Variants in NRXN1 observed in about 807,000 individuals in gnomAD.
The protein encoded by NRXN1 is neurexin 1.
NRXN1 carries 39 observed loss-of-function variants against 150.9 expected under a neutral mutation model. That is an observed-to-expected ratio of 0.26 (90% CI 0.20 to 0.34). The LOEUF (loss-of-function observed/expected upper bound fraction) is 0.34, where lower values mean the gene tolerates loss of function less well. Ranked by LOEUF, NRXN1 falls within the 10% of genes least tolerant of loss-of-function variation. The pLI, the probability that NRXN1 is intolerant of heterozygous loss-of-function variation, is 1.00. For synonymous variants in NRXN1, 924 were observed against 757.0 expected, an observed-to-expected ratio of 1.22 and a Z score of -3.62; for missense variants, 1,815 against 1,949.9, an observed-to-expected ratio of 0.93 and a Z score of 1.30.
At chr2:50,278,457 T>C (rs894638498) in intron 17 of NRXN1, among the ~76,000 whole-genome samples, 2 of 149,974 alleles carry the variant, frequency 1.3e-5, no homozygotes, top group Non-Finnish European at 3.0e-5. Flanking sequence ...TGGCCATTGA[T>C]CATAGATAGT....
intron 18 of NRXN1, among the ~76,000 whole-genome samples, chr2:50,111,106 G>A (rs1230556495): frequency 1.3e-5 from 2 of 152,170 alleles, no homozygotes; most frequent in Admixed American, 6.5e-5. Context: ...AGATTGTCCC[G>A]TGATACACTG....
intron 21 of NRXN1, among the ~76,000 whole-genome samples, chr2:50,010,238 A>T (rs981482338): frequency 6.6e-6 from 1 of 152,092 alleles, no homozygotes; most frequent in Non-Finnish European, 1.5e-5. Context: ...TCATCTCTAC[A>T]TTTAGATGCT....
intron 5 of NRXN1, among the ~76,000 whole-genome samples, chr2:50,754,933 A>G (rs917929510): frequency 1.3e-5 from 2 of 151,912 alleles, no homozygotes; most frequent in African/African-American, 4.8e-5. Context: ...TCATTTCACA[A>G]GTTGGTTCAA....
chr2:50,925,748 A>G (rs1038921453), intron 3 of NRXN1, among the ~76,000 whole-genome samples, 190 bp downstream of exon 3: 1 of 151,896 alleles, frequency 6.6e-6, no homozygotes, highest in African/African-American at 2.4e-5. Flanking sequence ...TAAGCTTGAA[A>G]AAGTTTCATA....
intron 5 of NRXN1, among the ~76,000 whole-genome samples, chr2:50,794,601 A>C (rs1412764096): frequency 6.6e-6 from 1 of 152,168 alleles, no homozygotes; most frequent in Non-Finnish European, 1.5e-5. Context: ...ATTAAACACA[A>C]GGAGCAATTA....
chr2:50,201,843 G>A (rs925965718), intron 18 of NRXN1, among the ~76,000 whole-genome samples: 1 of 152,184 alleles, frequency 6.6e-6, no homozygotes, highest in Admixed American at 6.5e-5. Flanking sequence ...TAGCTTCCAA[G>A]GTAGTGCACT....
chr2:50,170,014 C>T (rs2059930389), intron 18 of NRXN1, among the ~76,000 whole-genome samples: 1 of 151,748 alleles, frequency 6.6e-6, no homozygotes, highest in Admixed American at 6.6e-5. Context: ...GATCATGACC[C>T]ACAGAAAAAA....
At chr2:50,039,387 A>G (rs1690574516) in intron 21 of NRXN1, among the ~76,000 whole-genome samples, 1 of 152,062 alleles carries the variant, frequency 6.6e-6, no homozygotes, top group South Asian at 2.1e-4. Context: ...AATCGCTTGA[A>G]CCTGGGAGGC....
chr2:50,263,955 G>A (rs899882847), intron 17 of NRXN1, among the ~76,000 whole-genome samples: 1 of 152,114 alleles, frequency 6.6e-6, no homozygotes, highest in African/African-American at 2.4e-5. Flanking sequence ...TCAATGGCCT[G>A]TTACTGCTTT....
At chr2:50,915,223 T>A (rs377388826) in intron 5 of NRXN1, among the ~76,000 whole-genome samples, 57 of 151,736 alleles carry the variant, frequency 3.8e-4, no homozygotes, top group African/African-American at 1.3e-3. Flanking sequence ...CAGAAATATA[T>A]CTACTTAGCT....
intron 5 of NRXN1, among the ~76,000 whole-genome samples, chr2:50,655,512 T>C (rs1364894855): frequency 2.6e-5 from 4 of 152,016 alleles, no homozygotes; most frequent in Non-Finnish European, 5.9e-5. Flanking sequence ...GAATGTAAAA[T>C]GATTCACAAA....
At chr2:50,150,053 A>G (rs1304954418) in intron 18 of NRXN1, among the ~76,000 whole-genome samples, 2 of 151,456 alleles carry the variant, frequency 1.3e-5, no homozygotes, top group East Asian at 1.9e-4. Flanking sequence ...TTTTCCTTCT[A>G]TTAGTGAATT....
Position 50,322,549 on chromosome 2 carries a change from T to C in NRXN1, c.3365-85579A>G, listed in dbSNP as rs1036855740. Among the ~76,000 whole-genome samples, 4 of 152,178 alleles carry C rather than the reference T, an allele frequency of 2.6e-5. No individual in the cohort carries two copies. The East Asian group carries it at 5.8e-4, about 22-fold the overall frequency. ...TTTTAGAATGATGCTACTCTGTAAG[T>C]ATGAAAGTTCTCTAATCTATCACTA... is the stretch of plus-strand genomic sequence containing the variant. On this transcript the variant is annotated intron_variant, in intron 17 of 22. Transcript: ENST00000401669.
intron 3 of NRXN1, among the ~76,000 whole-genome samples, chr2:50,925,278 T>A (rs1490479358): frequency 6.6e-6 from 1 of 151,864 alleles, no homozygotes; most frequent in Non-Finnish European, 1.5e-5. Context: ...CAGGAAAATA[T>A]ATAAGCTATA....
chr2:50,423,904 T>A (rs2084216670), intron 17 of NRXN1, among the ~76,000 whole-genome samples: 1 of 152,132 alleles, frequency 6.6e-6, no homozygotes, highest in East Asian at 1.9e-4. Context: ...GTATCTGCCA[T>A]AGGCAACAGC....
At chr2:50,089,553 G>A (rs540844153) in intron 19 of NRXN1, among the ~76,000 whole-genome samples, 4 of 152,192 alleles carry the variant, frequency 2.6e-5, no homozygotes, top group Admixed American at 6.5e-5. Flanking sequence ...TTGGGAGGCC[G>A]AGGCAGGAAG....
intron 5 of NRXN1, among the ~76,000 whole-genome samples, chr2:50,695,845 T>TTC (rs945815046): frequency 6.7e-6 from 1 of 149,466 alleles, no homozygotes; most frequent in Non-Finnish European, 1.5e-5. Flanking sequence ...ACTCTGATTT[T>TTC]TTTTTTTTTT....
intron 5 of NRXN1, among the ~76,000 whole-genome samples, chr2:50,801,243 T>G (rs2105692409): frequency 6.6e-6 from 1 of 152,316 alleles, no homozygotes; most frequent in East Asian, 1.9e-4. Flanking sequence ...TCTACAAAAC[T>G]CAATTTTTCT....
intron 9 of NRXN1, among the ~76,000 whole-genome samples, chr2:50,546,709 T>C (rs752260585): frequency 2.6e-5 from 4 of 152,194 alleles, no homozygotes; most frequent in Non-Finnish European, 2.9e-5. Flanking sequence ...AACTTAACAT[T>C]ACAATTTTAA....
Sources: gnomAD v4.1 joint callset for allele counts (sites outside exome capture counted in the v4.1 genomes callset) on GRCh38, gnomAD v4.1.1 for gene constraint, MANE v1.5 for transcripts, NCBI Gene and HGNC (gene_info 2026-07-23, HGNC 2026-07-21) for gene names.